CDK6: variants seen among roughly 807,000 people sequenced by gnomAD.
The protein encoded by CDK6 is cyclin dependent kinase 6, also known as cyclin-dependent kinase 6.
CDK6 carries 6 observed loss-of-function variants against 37.1 expected under a neutral mutation model. The ratio of observed to expected loss-of-function variants is 0.16; its 90% CI spans 0.09 to 0.32. The LOEUF (loss-of-function observed/expected upper bound fraction) is 0.32, where lower values mean the gene tolerates loss of function less well. Ranked by LOEUF, CDK6 falls within the 10% of genes least tolerant of loss-of-function variation. CDK6 has a pLI of 1.00. For synonymous variants in CDK6, 160 were observed against 161.3 expected, an observed-to-expected ratio of 0.99 and a Z score of 0.06; for missense variants, 224 against 418.9, an observed-to-expected ratio of 0.53 and a Z score of 4.06.
intron 5 of CDK6, among the ~76,000 whole-genome samples, chr7:92,644,559 T>C (rs1796396937): frequency 6.6e-6 from 1 of 152,132 alleles, no homozygotes; most frequent in African/African-American, 2.4e-5. Flanking sequence ...CCTAGTCTCA[T>C]AGGAAGAAGG....
intron 5 of CDK6, among the ~76,000 whole-genome samples, chr7:92,664,253 G>GA (rs889987521): frequency 5.3e-5 from 8 of 152,024 alleles, no homozygotes; most frequent in Non-Finnish European, 1.0e-4. Context: ...TAAGAAATCT[G>GA]AAAGTCTAAA....
At chr7:92,813,169 C>G (rs149719946) in intron 2 of CDK6, among the ~76,000 whole-genome samples, 2,014 of 152,212 alleles carry the variant, frequency 0.013, 33 homozygotes, top group Non-Finnish European at 0.02. Context: ...TTTAAGGACC[C>G]TGAAGTCCTT....
intron 5 of CDK6, among the ~76,000 whole-genome samples, chr7:92,637,825 T>C (rs1796208312): frequency 6.6e-6 from 1 of 152,156 alleles, no homozygotes; most frequent in South Asian, 2.1e-4. Flanking sequence ...GTGATTACCA[T>C]GTTTTGGGGA....
At chr7:92,778,109 C>A (rs558672240) in intron 2 of CDK6, among the ~76,000 whole-genome samples, 78 of 150,774 alleles carry the variant, frequency 5.2e-4, no homozygotes, top group African/African-American at 1.6e-3. Flanking sequence ...AAAACCAAAA[C>A]CAAAAACAAA....
At chr7:92,828,178 C>T (rs933284735) in intron 2 of CDK6, among the ~76,000 whole-genome samples, 1 of 151,918 alleles carries the variant, frequency 6.6e-6, no homozygotes, top group African/African-American at 2.4e-5. Flanking sequence ...ATAATTATAG[C>T]ACAACTTCCT....
intron 6 of CDK6, among the ~76,000 whole-genome samples, chr7:92,620,150 A>C (rs1200119041): frequency 6.6e-6 from 1 of 152,182 alleles, no homozygotes; most frequent in Non-Finnish European, 1.5e-5. Context: ...ATCTACATCT[A>C]ATTACATCTT....
chr7:92,759,706 A>C (rs1799405836), intron 3 of CDK6, among the ~76,000 whole-genome samples: 1 of 151,516 alleles, frequency 6.6e-6, no homozygotes, highest in African/African-American at 2.4e-5. Context: ...GCAAAAAAAA[A>C]AAAAAAAAAA....
intron 2 of CDK6, among the ~76,000 whole-genome samples, chr7:92,792,262 G>C (rs1019654039): frequency 1.3e-5 from 2 of 152,060 alleles, no homozygotes; most frequent in African/African-American, 4.8e-5. Flanking sequence ...TGCTCTCTTA[G>C]AACTTATTTT....
chr7:92,646,690 G>A (rs1012783425), intron 5 of CDK6, among the ~76,000 whole-genome samples: 5 of 150,804 alleles, frequency 3.3e-5, no homozygotes, highest in Admixed American at 6.6e-5. Flanking sequence ...GAGCCACTGC[G>A]CCTGGCCAGC....
intron 6 of CDK6, among the ~76,000 whole-genome samples, chr7:92,622,388 G>T (rs968315486): frequency 6.6e-6 from 1 of 152,118 alleles, no homozygotes; most frequent in Non-Finnish European, 1.5e-5. Flanking sequence ...GGAAATAAAA[G>T]GTTAAATAAT....
chr7:92,700,034 T>C (rs1263556226), intron 4 of CDK6, among the ~76,000 whole-genome samples: 1 of 152,200 alleles, frequency 6.6e-6, no homozygotes, highest in Non-Finnish European at 1.5e-5. Flanking sequence ...GCAAATGTTA[T>C]ATACACATCA....
intron 5 of CDK6, among the ~76,000 whole-genome samples, chr7:92,626,911 CT>C (rs1451978017): frequency 1.3e-5 from 2 of 152,010 alleles, no homozygotes; most frequent in Admixed American, 6.6e-5. Context: ...AAACATTTCA[CT>C]GAAATTGGAG....
At chr7:92,800,797 T>A (rs1185132253) in intron 2 of CDK6, among the ~76,000 whole-genome samples, 1 of 152,148 alleles carries the variant, frequency 6.6e-6, no homozygotes, top group Non-Finnish European at 1.5e-5. Flanking sequence ...TCTGGGCCCA[T>A]CCCAAAAACA....
chr7:92,627,334 C>A (rs1429148738), intron 5 of CDK6, among the ~76,000 whole-genome samples: 1 of 151,994 alleles, frequency 6.6e-6, no homozygotes, highest in African/African-American at 2.4e-5. Flanking sequence ...AAGGTCTGTG[C>A]CCCTGAAAAT....
chr7:92,607,999 A>G lies in CDK6; in HGVS notation c.*7141T>C, dbSNP rs1585330823. On this transcript the variant is annotated 3_prime_UTR_variant, in exon 8 of 8. Transcript: ENST00000424848. ...TGTTGGTGATCACAGAAATATTGCT[A>G]GCTGATACATATTATTGCATTTCAT... is the stretch of plus-strand genomic sequence containing the variant. 6 of 233,482 alleles carry G rather than the reference A, an allele frequency of 2.6e-5. No homozygotes were observed. The East Asian group carries it at 3.6e-4, about 14-fold the overall frequency. The allele number at this position is 233,482 out of a possible 1,614,324, so 14.5% of individuals were successfully genotyped here.
intron 4 of CDK6, among the ~76,000 whole-genome samples, chr7:92,672,174 C>CACACACACAG (rs1797092843): frequency 9.5e-6 from 1 of 104,952 alleles, no homozygotes; most frequent in South Asian, 3.6e-4. Context: ...CATACACACA[C>CACACACACAG]ACACACACAG....
At chr7:92,751,927 C>T (rs1464144640) in intron 3 of CDK6, among the ~76,000 whole-genome samples, 1 of 151,974 alleles carries the variant, frequency 6.6e-6, no homozygotes, top group Non-Finnish European at 1.5e-5. Flanking sequence ...CACGGAAATG[C>T]TAAAACATTT....
intron 3 of CDK6, among the ~76,000 whole-genome samples, chr7:92,764,493 T>C (rs1446983471): frequency 3.3e-5 from 5 of 152,194 alleles, no homozygotes; most frequent in Admixed American, 3.3e-4. Context: ...ACTCCAAGTG[T>C]CACAGTGCCC....
chr7:92,687,544 T>C (rs916617380), intron 4 of CDK6, among the ~76,000 whole-genome samples: 9 of 152,192 alleles, frequency 5.9e-5, no homozygotes, highest in African/African-American at 7.2e-5. Context: ...TGTTCTAGAT[T>C]AACAACTACG....
Sources: allele counts gnomAD v4.1 joint callset (sites outside exome capture counted in the v4.1 genomes callset), GRCh38; gene constraint gnomAD v4.1.1; transcripts MANE v1.5; gene names NCBI Gene and HGNC (gene_info 2026-07-23, HGNC 2026-07-21).